INPP5D: variants seen among roughly 807,000 people sequenced by gnomAD.
INPP5D encodes inositol polyphosphate-5-phosphatase D.
A neutral mutation model predicts 122.9 loss-of-function variants in INPP5D; 33 were observed. That is an observed-to-expected ratio of 0.27 (90% confidence interval 0.20 to 0.36). INPP5D has a LOEUF of 0.36. Among genes scored for constraint, INPP5D ranks in the 10% least tolerant of loss-of-function variants. The pLI, the probability that INPP5D is intolerant of heterozygous loss-of-function variation, is 1.00. For missense variants in INPP5D, 1,053 were observed against 1,412.7 expected, an observed-to-expected ratio of 0.75 and a Z score of 4.08; for synonymous variants, 584 against 576.2, an observed-to-expected ratio of 1.01 and a Z score of -0.19.
intron 2 of INPP5D, among the ~76,000 whole-genome samples, chr2:233,086,747 AG>A (rs1164254560): frequency 1.3e-5 from 2 of 152,354 alleles, no homozygotes; most frequent in South Asian, 2.1e-4. Context: ...AACAGCTAAA[AG>A]TGTCCTAACT....
At chr2:233,124,288 C>T (rs1693087729) in intron 3 of INPP5D, among the ~76,000 whole-genome samples, 2 of 152,334 alleles carry the variant, frequency 1.3e-5, no homozygotes, top group African/African-American at 4.8e-5. Flanking sequence ...CCTTGCCTGG[C>T]TCCTGCCTGT....
chr2:233,171,970 G>C (rs527500204), intron 17 of INPP5D, among the ~76,000 whole-genome samples: 1 of 152,346 alleles, frequency 6.6e-6, no homozygotes, highest in Admixed American at 6.5e-5. Flanking sequence ...GGCCCCATCT[G>C]GGCTCAGGAG....
intron 2 of INPP5D, among the ~76,000 whole-genome samples, chr2:233,119,625 C>T (rs1356099731): frequency 9.2e-5 from 14 of 152,044 alleles, no homozygotes; most frequent in African/African-American, 3.1e-4. Context: ...CACACACATA[C>T]GCCCAGGCAT....
At chr2:233,192,950 C>T (rs895158351) in intron 22 of INPP5D, among the ~76,000 whole-genome samples, 2 of 152,190 alleles carry the variant, frequency 1.3e-5, no homozygotes, top group South Asian at 2.1e-4. Context: ...TGCAGTGGCA[C>T]GATCTTGGCT....
At chr2:233,091,263 G>T (rs1691986394) in intron 2 of INPP5D, among the ~76,000 whole-genome samples, 1 of 152,146 alleles carries the variant, frequency 6.6e-6, no homozygotes. Context: ...TAGCACTCCT[G>T]TTTTTTCTTC....
Position 233,094,701 on chromosome 2 carries a change from G to T in INPP5D, c.198+15303G>T, listed in dbSNP as rs1692087388. On this transcript the variant is annotated intron_variant, in intron 2 of 26. Transcript: ENST00000445964. ...GCTTGTTAGAAATGTGGACAATCAG[G>T]TCCCAGACCCGGGAATTCAGAATCA... Among the ~76,000 whole-genome samples the T allele has an allele frequency of 3.3e-5, 5 of 152,042 alleles. 1 individual carries two copies. The South Asian group carries it at 1.0e-3, about 32-fold the overall frequency.
intron 26 of INPP5D, 121 bp downstream of exon 26, chr2:233,204,838 A>G (rs1009474157): frequency 5.1e-6 from 7 of 1,379,162 alleles, no homozygotes; most frequent in South Asian, 1.5e-5. Context: ...ATGTGCGTGC[A>G]TGTGTGAACG....
chr2:233,167,421 G>T (rs1322915507), intron 13 of INPP5D, among the ~76,000 whole-genome samples: 1 of 152,092 alleles, frequency 6.6e-6, no homozygotes, highest in African/African-American at 2.4e-5. Context: ...ATTCCCATTT[G>T]CAGATGAAGA....
chr2:233,194,968 G>A (rs1189766958), intron 23 of INPP5D, among the ~76,000 whole-genome samples: 1 of 151,428 alleles, frequency 6.6e-6, no homozygotes, highest in Non-Finnish European at 1.5e-5. Context: ...GCTAATTTTT[G>A]TATTTTTAGT....
At chr2:233,121,832 C>A (rs994093106) in intron 2 of INPP5D, among the ~76,000 whole-genome samples, 4 of 152,118 alleles carry the variant, frequency 2.6e-5, no homozygotes, top group Admixed American at 2.0e-4. Context: ...GGCCCAAAAA[C>A]ACTTTTAAAA....
chr2:233,161,944 G>A, intron 11 of INPP5D, 118 bp downstream of exon 11: 6 of 1,427,516 alleles, frequency 4.2e-6, no homozygotes, highest in Non-Finnish European at 5.6e-6. Flanking sequence ...CTGCCCCAGG[G>A]CCCTGCCCCT....
rs951604424 is a variant in INPP5D, at chr2:233,188,326, C to T, written c.2359-1524C>T. On this transcript the variant is annotated intron_variant, in intron 21 of 26. Coordinates refer to ENST00000445964, the MANE Select transcript of INPP5D (RefSeq NM_001017915.3). The surrounding 1 kb of genome is among the most constrained non-coding windows in gnomAD (Gnocchi z 4.7). ...CCCCCTAGATAGTTCTCCTCCCTGC[C>T]ACCGCCTGCCAGGGTGGTGGTGTCG... 1.3e-5 allele frequency among the ~76,000 whole-genome samples: 2 copies of T among 152,116 alleles called. No individual in the cohort carries two copies. The highest frequency in any genetic ancestry group is 2.1e-4 in the South Asian group (1 of 4,818).
chr2:233,137,853 AATATATATATATAT>A (rs1160357196), intron 5 of INPP5D, among the ~76,000 whole-genome samples: 1,096 of 27,652 alleles, frequency 0.04, 79 homozygotes, highest in South Asian at 0.065. Flanking sequence ...AAAAAAAAAA[AATATATATATATAT>A]ATATATATAT....
chr2:233,109,688 C>T (rs1692561818), intron 2 of INPP5D, among the ~76,000 whole-genome samples: 2 of 152,108 alleles, frequency 1.3e-5, no homozygotes, highest in Non-Finnish European at 1.5e-5. Context: ...AAGCAATTCT[C>T]CTGCCTCAGC....
chr2:233,111,774 T>C (rs1490110257), intron 2 of INPP5D, among the ~76,000 whole-genome samples: 1 of 152,162 alleles, frequency 6.6e-6, no homozygotes, highest in African/African-American at 2.4e-5. Flanking sequence ...TTAATAACAA[T>C]TTAAGGCCAG....
At chr2:233,147,360 A>G (rs2106280235) in intron 8 of INPP5D, 111 bp from the exon 9 acceptor site, 3 of 643,486 alleles carry the variant, frequency 4.7e-6, no homozygotes. Flanking sequence ...GGCCCCACGA[A>G]GGACGCACAC....
rs1695432820 is a variant in INPP5D at position 233,204,562 on chromosome 2, ACGCCGCGGC to A, written c.3419_3427del (p.Arg1140_Pro1142del). The stretch of plus-strand genomic sequence containing the variant: ...CAACCAGCAGACCCCGCCCACCCCG[ACGCCGCGGC>A]CGCCGCTGCCAGTCAAGAGCCCGGC... On this transcript the variant is annotated inframe_deletion, in exon 26 of 27. Transcript: ENST00000445964. 1 of 1,569,518 alleles carries A rather than the reference ACGCCGCGGC, an allele frequency of 6.4e-7. No homozygotes were observed.
chr2:233,205,845 G>A (rs554752735), intron 26 of INPP5D, among the ~76,000 whole-genome samples: 5 of 152,084 alleles, frequency 3.3e-5, no homozygotes, highest in East Asian at 3.9e-4. Context: ...TTGGGAGGCC[G>A]AGGTGGATGG....
At chr2:233,159,609 G>A (rs1694147763) in intron 10 of INPP5D, among the ~76,000 whole-genome samples, 3 of 143,176 alleles carry the variant, frequency 2.1e-5, no homozygotes, top group East Asian at 4.2e-4. Context: ...TGGGAGGATC[G>A]CTTGAACCCA....
Sources: allele counts gnomAD v4.1 joint callset (sites outside exome capture counted in the v4.1 genomes callset), GRCh38; gene constraint gnomAD v4.1.1; non-coding constraint Gnocchi (gnomAD v3.1); transcripts MANE v1.5; gene names NCBI Gene and HGNC (gene_info 2026-07-23, HGNC 2026-07-21).